The following TMEM67 variants were observed in gnomAD, a reference collection of about 807,000 sequenced individuals.
The protein encoded by TMEM67 is meckelin.
A neutral mutation model predicts 136.6 loss-of-function variants in TMEM67; 124 were observed. That is an observed-to-expected ratio of 0.91 (90% CI 0.78 to 1.05). The LOEUF (loss-of-function observed/expected upper bound fraction) is 1.05, where lower values mean the gene tolerates loss of function less well. Among genes scored for constraint, TMEM67 ranks in the 50% least tolerant of loss-of-function variants. The pLI, the probability that TMEM67 is intolerant of heterozygous loss-of-function variation, is 0.00. For missense variants in TMEM67, 1,107 were observed against 1,178.4 expected (o/e 0.94, Z 0.89); for synonymous variants, 364 against 390.5 (o/e 0.93, Z 0.80).
In TMEM67 at chr8:93,818,001, A is replaced by G. The variant is rs1396719912; in HGVS notation, c.*1549A>G. On this transcript the variant is annotated 3_prime_UTR_variant, in exon 28 of 28. Transcript: ENST00000453321. Reference sequence around the variant, plus strand: ...AAGTTTTTAAGTATTAAATTTCACAATAAAGGATCAATTGGCTTACTTGCT... The same window carrying G: ...AAGTTTTTAAGTATTAAATTTCACAGTAAAGGATCAATTGGCTTACTTGCT... 6.6e-6 allele frequency: 1 copy of G among 152,250 alleles called. No homozygotes were observed. Among genetic ancestry groups the G allele is most frequent in the Non-Finnish European group, 1.5e-5 (1 of 68,038 alleles). 9.4% of individuals were successfully genotyped at this position (152,250 alleles called of 1,614,324 possible). A position where few individuals can be genotyped will look rare whatever the true frequency, so the allele number is the denominator to read the frequency against.
intron 3 of TMEM67, among the ~76,000 whole-genome samples, chr8:93,760,768 C>T (rs1251226695): frequency 1.3e-5 from 2 of 151,622 alleles, no homozygotes; most frequent in African/African-American, 4.8e-5. Flanking sequence ...AACCAAACTA[C>T]AAACTAAAGA....
intron 21 of TMEM67, 61 bp downstream of exon 21, chr8:93,799,819 A>G (rs1814789354): frequency 2.2e-6 from 3 of 1,380,204 alleles, no homozygotes; most frequent in Non-Finnish European, 3.1e-6. Flanking sequence ...AACTCTGCCT[A>G]ATTACTGATT....
downstream of TMEM67, chr8:93,818,978 T>A (rs527263138): frequency 2.5e-6 from 1 of 394,256 alleles, no homozygotes; most frequent in Non-Finnish European, 4.9e-6. Flanking sequence ...ATTTTTTGTA[T>A]TTTTTTTGTA....
chr8:93,791,134 C>T lies in TMEM67; in HGVS notation c.1519-129C>T, dbSNP rs1314793968. ...TTTACGTGTAAGTTAAAGGTCAACT[C>T]TAGTAATATTGATAGTTAAAAACTA... On this transcript the variant is annotated intron_variant, in intron 14 of 27. Coordinates refer to ENST00000453321, the MANE Select transcript of TMEM67 (RefSeq NM_153704.6). 13 of 648,174 alleles carry T rather than the reference C, an allele frequency of 2.0e-5. No homozygotes were observed. The Middle Eastern group carries it at 1.7e-3, about 84-fold the overall frequency. 40.2% of individuals were successfully genotyped at this position (648,174 alleles called of 1,614,324 possible).
the TMEM67 span, among the ~76,000 whole-genome samples, chr8:93,827,922 G>A: frequency 6.6e-6 from 1 of 152,084 alleles, no homozygotes; most frequent in Non-Finnish European, 1.5e-5. Context: ...TCATAAAAAG[G>A]AATAAACATA....
intron 2 of TMEM67, among the ~76,000 whole-genome samples, chr8:93,757,419 C>T (rs1381118541): frequency 6.6e-6 from 1 of 151,954 alleles, no homozygotes; most frequent in Non-Finnish European, 1.5e-5. Flanking sequence ...AGGTGGATCA[C>T]GAGGTCAAGA....
chr8:93,792,761 C>T (rs1348657748), intron 15 of TMEM67, among the ~76,000 whole-genome samples: 1 of 150,674 alleles, frequency 6.6e-6, no homozygotes, highest in East Asian at 1.9e-4. Flanking sequence ...CAACTTGACT[C>T]CTGTGTCCTT....
chr8:93,815,375 G>C lies in TMEM67; in HGVS notation c.2835G>C (p.Leu945=), dbSNP rs745807071. The C allele has an allele frequency of 3.5e-5, 57 of 1,612,524 alleles. No homozygotes were observed. The South Asian group carries it at 5.5e-4, about 16-fold the overall frequency. ...NEATLLIFDL[L]FFCVVDLACQ... Reference sequence around the variant, plus strand: ...CTACTCTTCTTATTTTTGATCTGCTGTTCTTCTGTGTTGTGGATTTGGCTT... The same window carrying C: ...CTACTCTTCTTATTTTTGATCTGCTCTTCTTCTGTGTTGTGGATTTGGCTT... Residue 945 remains leucine, a synonymous_variant, in exon 27 of 28, where the codon CTG becomes CTC. Transcript: ENST00000453321.
chr8:93,805,567 C>T (rs1422309925), intron 23 of TMEM67, among the ~76,000 whole-genome samples: 4 of 141,206 alleles, frequency 2.8e-5, no homozygotes, highest in South Asian at 2.2e-4. Flanking sequence ...GGCGACAGAG[C>T]GAGACTCCGT....
At chr8:93,759,993 T>C (rs2130554443) in intron 3 of TMEM67, 1 of 1,521,972 alleles carries the variant, frequency 6.6e-7, no homozygotes, top group Non-Finnish European at 8.8e-7. Context: ...TGAAGAAATT[T>C]GTGAGTATTA....
chr8:93,828,592 T>C, the TMEM67 span, among the ~76,000 whole-genome samples: 1 of 151,554 alleles, frequency 6.6e-6, no homozygotes, highest in Non-Finnish European at 1.5e-5. Context: ...ATACAGAAAA[T>C]AGCTGGGCAT....
At chr8:93,820,494 A>C (rs753954127), downstream of TMEM67, among the ~76,000 whole-genome samples, 7 of 152,180 alleles carry the variant, frequency 4.6e-5, no homozygotes, top group African/African-American at 7.2e-5. Context: ...CCCACTGCCC[A>C]TAAGAGAGGC....
chr8:93,806,765 A>T (rs889442364), intron 23 of TMEM67, among the ~76,000 whole-genome samples: 1 of 152,134 alleles, frequency 6.6e-6, no homozygotes, highest in Non-Finnish European at 1.5e-5. Context: ...AATGTAAAAC[A>T]TGAAGCCATG....
intron 18 of TMEM67, among the ~76,000 whole-genome samples, 192 bp downstream of exon 18, chr8:93,796,179 A>AT (rs900456761): frequency 3.9e-5 from 6 of 152,146 alleles, no homozygotes; most frequent in Non-Finnish European, 8.8e-5. Context: ...TGCCTTAAAT[A>AT]TTTTTTTCAA....
chr8:93,771,473 A>G (rs375047469), intron 6 of TMEM67, among the ~76,000 whole-genome samples: 8 of 152,216 alleles, frequency 5.3e-5, no homozygotes, highest in African/African-American at 1.9e-4. Flanking sequence ...GTATAATTAT[A>G]TTTTTAATAG....
downstream of TMEM67, among the ~76,000 whole-genome samples, chr8:93,821,861 C>T (rs536446968): frequency 6.6e-6 from 1 of 152,268 alleles, no homozygotes; most frequent in Admixed American, 6.5e-5. Context: ...CATTGAACTC[C>T]AGCCTGCCTG....
Position 93,780,873 on chromosome 8 carries a change from G to A in TMEM67, c.870-1G>A. The A allele has an allele frequency of 6.2e-7, 1 of 1,609,104 alleles. No individual in the cohort carries two copies. The highest frequency in any genetic ancestry group is 1.3e-5 in the African/African-American group (1 of 74,928). On this transcript the variant is annotated splice_acceptor_variant, in intron 8 of 27. Transcript: ENST00000453321. LOFTEE classifies it high-confidence loss of function. Reference sequence around the variant, plus strand: ...ATTAAAACAGTTGTAACTGTTTATAGGAGACAGAATCTTCCTTGGCTGTTT... The same window carrying A: ...ATTAAAACAGTTGTAACTGTTTATAAGAGACAGAATCTTCCTTGGCTGTTT...
intron 17 of TMEM67, 68 bp downstream of exon 17, chr8:93,795,575 G>A (rs1814576613): frequency 7.4e-7 from 1 of 1,351,896 alleles, no homozygotes; most frequent in Admixed American, 1.7e-5. Context: ...CTTTATAAAG[G>A]AACTATTTTT....
chr8:93,815,329 T>C lies in TMEM67; in HGVS notation c.2789T>C (p.Val930Ala), dbSNP rs199549673. Reference protein sequence around the residue: ...YNDEGYSFSSVLYYGNEATLL... With the variant: ...YNDEGYSFSSALYYGNEATLL... ...GATGAAGGTTATTCTTTCAGCAGTG[T>C]CCTGTATTATGGAAATGAAGCTACT... The change falls in exon 27 of 28, where the codon GTC becomes GCC. Residue 930 changes from valine (V) to alanine (A), a missense_variant. By Grantham distance (64) the Val-to-Ala change is moderately conservative (BLOSUM62 0). Around this residue, in one of 3 missense-constraint regions of TMEM67, gnomAD observed 925 missense variants for 1,002.4 expected, o/e 0.92. Coordinates refer to ENST00000453321, the MANE Select transcript of TMEM67 (RefSeq NM_153704.6). The C allele has an allele frequency of 1.5e-5, 24 of 1,599,118 alleles. No homozygotes were observed. The highest frequency in any genetic ancestry group is 1.7e-4 in the Middle Eastern group (1 of 6,016).
Sources: gnomAD v4.1 joint callset for allele counts (sites outside exome capture counted in the v4.1 genomes callset) on GRCh38, gnomAD v4.1.1 for gene constraint, gnomAD v4.1.1 regional missense constraint, MANE v1.5 for transcripts, NCBI Gene and HGNC (gene_info 2026-07-23, HGNC 2026-07-21) for gene names.